The following FHAD1 variants were observed in gnomAD, a reference collection of about 807,000 sequenced individuals.
FHAD1 encodes the protein forkhead-associated domain-containing protein 1.
A neutral mutation model predicts 191.3 loss-of-function variants in FHAD1; 146 were observed. The observed-to-expected ratio is 0.76, with a 90% confidence interval of 0.67 to 0.88. The LOEUF is 0.88. Among genes scored for constraint, FHAD1 ranks in the 40% least tolerant of loss-of-function variants. FHAD1 has a pLI of 0.00. For synonymous variants in FHAD1, 616 were observed against 672.3 expected, an observed-to-expected ratio of 0.92 and a Z score of 1.29; for missense variants, 1,635 against 1,785.8, an observed-to-expected ratio of 0.92 and a Z score of 1.52.
At chr1:15,376,680 G>A (rs1699747679) in intron 28 of FHAD1, among the ~76,000 whole-genome samples, 1 of 152,182 alleles carries the variant, frequency 6.6e-6, no homozygotes, top group East Asian at 1.9e-4. Flanking sequence ...ATTCTGGAAA[G>A]CGCTTAGCCT....
intron 1 of FHAD1, among the ~76,000 whole-genome samples, chr1:15,250,082 C>T (rs1752009): frequency 0.29 from 44,305 of 152,068 alleles, 7,499 homozygotes; most frequent in Non-Finnish European, 0.39. Context: ...GCAGAGCCAG[C>T]CCCGAGAGTC....
At chr1:15,296,577 A>G (rs2100783410) in intron 4 of FHAD1, 107 bp from the exon 5 acceptor site, 1 of 1,058,572 alleles carries the variant, frequency 9.4e-7, no homozygotes, top group Non-Finnish European at 1.4e-6. Context: ...TACATAAAAT[A>G]TCAATCTCTG....
At chr1:15,375,849 G>A in intron 28 of FHAD1, 119 bp downstream of exon 28, 4 of 1,157,696 alleles carry the variant, frequency 3.5e-6, no homozygotes, top group Non-Finnish European at 4.7e-6. Flanking sequence ...GCTGGCTGCT[G>A]TCTATACTCA....
intron 27 of FHAD1, 77 bp downstream of exon 27, chr1:15,374,708 A>G: frequency 1.3e-6 from 2 of 1,519,206 alleles, no homozygotes; most frequent in Non-Finnish European, 1.8e-6. Context: ...GTTTGCCAGG[A>G]CTACCATGTT....
chr1:15,262,737 G>A (rs558454547), intron 2 of FHAD1, among the ~76,000 whole-genome samples: 1 of 152,296 alleles, frequency 6.6e-6, no homozygotes, highest in South Asian at 2.1e-4. Context: ...TTTGGCTACT[G>A]TGAATAATGT....
chr1:15,368,264 G>A (rs887225802), intron 25 of FHAD1, among the ~76,000 whole-genome samples: 2 of 152,016 alleles, frequency 1.3e-5, no homozygotes, highest in African/African-American at 2.4e-5. Flanking sequence ...ATGAGCCACC[G>A]CGCCCGGCCC....
At chr1:15,334,376 C>T (rs1574468752) in intron 14 of FHAD1, 2 of 151,652 alleles carry the variant, frequency 1.3e-5, no homozygotes, top group Non-Finnish European at 2.9e-5. Flanking sequence ...CAGGCAGTGA[C>T]AGAGCTAAGA....
At chr1:15,310,596 A>G (rs1671973462) in intron 7 of FHAD1, among the ~76,000 whole-genome samples, 1 of 152,198 alleles carries the variant, frequency 6.6e-6, no homozygotes, top group Non-Finnish European at 1.5e-5. Flanking sequence ...GACCAGCAGC[A>G]TCAGCATCAC....
At chr1:15,308,809 A>G in intron 7 of FHAD1, 73 bp downstream of exon 7, 2 of 1,541,828 alleles carry the variant, frequency 1.3e-6, no homozygotes, top group Non-Finnish European at 1.8e-6. Flanking sequence ...AGACATCACC[A>G]ATCAACCACA....
intron 18 of FHAD1, 146 bp from the exon 19 acceptor site, chr1:15,348,896 C>CT: frequency 1.7e-6 from 1 of 591,262 alleles, no homozygotes; most frequent in South Asian, 2.3e-5. Flanking sequence ...GACTGAAGGG[C>CT]TGGCCAGGGG....
upstream of FHAD1, among the ~76,000 whole-genome samples, chr1:15,243,433 T>C (rs1480138536): frequency 6.6e-6 from 1 of 152,276 alleles, no homozygotes; most frequent in Non-Finnish European, 1.5e-5. Context: ...TCTCTGGCTC[T>C]CTTTCATGCC....
chr1:15,331,078 C>A (rs1558134050), intron 14 of FHAD1, among the ~76,000 whole-genome samples: 1 of 152,066 alleles, frequency 6.6e-6, no homozygotes, highest in Non-Finnish European at 1.5e-5. Flanking sequence ...AGAGAGTCAA[C>A]AAGACCTCTA....
rs534434379 is a variant in FHAD1 at position 15,275,032 on chromosome 1, G to A, written c.300+2503G>A. 2.0e-5 allele frequency among the ~76,000 whole-genome samples: 3 copies of A among 151,574 alleles called. No individual in the cohort carries two copies. The East Asian group carries it at 5.9e-4, about 30-fold the overall frequency. ...GGCTGGAGTACAGTGGCCCGAGCTC[G>A]GCTCGCTGCAAGCTCAGCCTCCCGG... On this transcript the variant is annotated intron_variant, in intron 3 of 33. Coordinates refer to ENST00000688493, the MANE Select transcript of FHAD1 (RefSeq NM_001391957.1).
In FHAD1 at chr1:15,263,937, C is replaced by T. The variant is rs368478138; in HGVS notation, c.94-8386C>T. On this transcript the variant is annotated intron_variant, in intron 2 of 33. Transcript: ENST00000688493. ...GACACCCTTGTCGAAAATCATTTGA[C>T]CATATATGCAAAGGTTTATATGGGG... Among the ~76,000 whole-genome samples, 24 of 152,294 alleles carry T rather than the reference C, an allele frequency of 1.6e-4. No individual in the cohort carries two copies. In the South Asian group the frequency reaches 4.8e-3, roughly 30 times the overall value.
chr1:15,278,066 G>A (rs901338621), intron 3 of FHAD1, among the ~76,000 whole-genome samples: 1 of 152,170 alleles, frequency 6.6e-6, no homozygotes, highest in African/African-American at 2.4e-5. Flanking sequence ...TAAATCCCAT[G>A]TTCTTAACCA....
Position 15,365,899 on chromosome 1 carries a change from TACCGAAGCCCAC to T in FHAD1, c.3122_3133del (p.Thr1041_His1044del). ...TCATCATGAAGTTAAGGAAAGACCT[TACCGAAGCCCAC>T]AGCAGAATGTCGGATTTGAGAGGTT... On this transcript the variant is annotated inframe_deletion, in exon 24 of 34. Coordinates refer to ENST00000688493, the MANE Select transcript of FHAD1 (RefSeq NM_001391957.1). 1 of 1,551,584 alleles carries T rather than the reference TACCGAAGCCCAC, an allele frequency of 6.4e-7. No homozygotes were observed. Among genetic ancestry groups the T allele is most frequent in the Non-Finnish European group, 8.7e-7 (1 of 1,146,890 alleles).
chr1:15,386,157 C>G (rs957162695), intron 31 of FHAD1, among the ~76,000 whole-genome samples: 4 of 152,242 alleles, frequency 2.6e-5, no homozygotes, highest in African/African-American at 9.6e-5. Flanking sequence ...ATAACGGTAA[C>G]AACAGGACCT....
At chr1:15,279,910 C>T (rs1659957730) in intron 3 of FHAD1, among the ~76,000 whole-genome samples, 1 of 152,142 alleles carries the variant, frequency 6.6e-6, no homozygotes, top group Non-Finnish European at 1.5e-5. Context: ...AAGCCCATGG[C>T]AAGAAAGCAT....
intron 10 of FHAD1, among the ~76,000 whole-genome samples, chr1:15,323,141 C>A (rs1410123444): frequency 1.3e-5 from 2 of 152,150 alleles, no homozygotes; most frequent in African/African-American, 4.8e-5. Context: ...CTGGGAGATA[C>A]AATTGAAGTT....
Sources: gnomAD v4.1 joint callset for allele counts (sites outside exome capture counted in the v4.1 genomes callset) on GRCh38, gnomAD v4.1.1 for gene constraint, MANE v1.5 for transcripts, NCBI Gene and HGNC (gene_info 2026-07-23, HGNC 2026-07-21) for gene names.